Variants in WDSUB1 observed in about 807,000 individuals in gnomAD.
WDSUB1 encodes the protein WD repeat, SAM and U-box domain-containing protein 1.
A neutral mutation model predicts 53.9 loss-of-function variants in WDSUB1; 49 were observed. That is an observed-to-expected ratio of 0.91 (90% CI 0.72 to 1.15). The LOEUF is 1.15. WDSUB1 is among the 50% of genes most tolerant of loss of function. The pLI, the probability that WDSUB1 is intolerant of heterozygous loss-of-function variation, is 0.00. For missense variants in WDSUB1, 514 were observed against 562.0 expected (o/e 0.91, Z 0.86); for synonymous variants, 194 against 200.6 (o/e 0.97, Z 0.28).
At chr2:159,279,982 G>A (rs2061620243) in intron 2 of WDSUB1, 37 bp from the exon 3 acceptor site, 3 of 1,568,392 alleles carry the variant, frequency 1.9e-6, no homozygotes, top group South Asian at 2.3e-5. Flanking sequence ...TCATTTCAGA[G>A]TATCCTTTAC....
chr2:159,251,349 A>G (rs866633462), intron 9 of WDSUB1, among the ~76,000 whole-genome samples: 4 of 152,180 alleles, frequency 2.6e-5, no homozygotes, highest in Admixed American at 1.3e-4. Context: ...AATATTCTAC[A>G]TGTGTGCTAA....
In WDSUB1 at chr2:159,259,172, C is replaced by T. The variant is rs115549797; in HGVS notation, c.804+638G>A. ...CCAAGTAGCTGGGACTACAGGGACG[C>T]GCCACCACGGTCAGCTAAGTTTTTG... On this transcript the variant is annotated intron_variant, in intron 6 of 10. Transcript: ENST00000359774. Among the ~76,000 whole-genome samples the T allele has an allele frequency of 7.5e-3, 1,142 of 152,242 alleles. 11 individuals carry two copies. The highest frequency in any genetic ancestry group is 0.014 in the Middle Eastern group (4 of 294).
chr2:159,248,608 T>G, intron 9 of WDSUB1, 96 bp from the exon 10 acceptor site: 1 of 1,343,558 alleles, frequency 7.4e-7, no homozygotes, highest in Non-Finnish European at 9.7e-7. Flanking sequence ...AGTTTGTTGT[T>G]GGGGTTGATT....
intron 1 of WDSUB1, among the ~76,000 whole-genome samples, chr2:159,285,403 C>T (rs922575931): frequency 1.0e-4 from 12 of 119,642 alleles, no homozygotes; most frequent in Non-Finnish European, 1.8e-4. Flanking sequence ...TACGGAAACA[C>T]CTCTACCAAA....
At chr2:159,266,135 T>C (rs966469240) in intron 5 of WDSUB1, among the ~76,000 whole-genome samples, 1 of 152,230 alleles carries the variant, frequency 6.6e-6, no homozygotes, top group Admixed American at 6.5e-5. Context: ...TAGTGATAGA[T>C]GTAACCCATA....
intron 5 of WDSUB1, among the ~76,000 whole-genome samples, chr2:159,261,847 C>A (rs2061195205): frequency 1.8e-5 from 1 of 54,204 alleles, no homozygotes; most frequent in Non-Finnish European, 3.2e-5. Context: ...AACTGAAACT[C>A]ATATATATAT....
chr2:159,269,178 T>C (rs1457755793), intron 5 of WDSUB1, among the ~76,000 whole-genome samples: 1 of 148,588 alleles, frequency 6.7e-6, no homozygotes, highest in African/African-American at 2.5e-5. Flanking sequence ...TTTTTTTTTT[T>C]TTTTTTTTTT....
intron 8 of WDSUB1, among the ~76,000 whole-genome samples, chr2:159,257,276 A>T (rs780230131): frequency 1.3e-5 from 2 of 152,200 alleles, no homozygotes; most frequent in Non-Finnish European, 2.9e-5. Context: ...TGCTGGGATT[A>T]TAAGTGTGAG....
Position 159,248,382 on chromosome 2 carries a change from G to T in WDSUB1, c.1263C>A (p.Val421=). 2 of 1,611,728 alleles carry T rather than the reference G, an allele frequency of 1.2e-6. No homozygotes were observed. The highest frequency in any genetic ancestry group is 2.2e-5 in the South Asian group (2 of 90,714). Residue 421 remains valine (V), a synonymous_variant, in exon 10 of 11, where the codon GTC becomes GTA. Coordinates refer to ENST00000359774, the MANE Select transcript of WDSUB1 (RefSeq NM_001128212.3). The stretch of plus-strand genomic sequence containing the variant: ...TAGCATCACACATACCTGATGCGAT[G>T]ACCGGATCTTTCATAAGTTCTCTAG... The part of the protein sequence containing the change: ...PITRELMKDP[V]IASDGYSYEK...
chr2:159,279,803 G>A lies in WDSUB1; in HGVS notation c.541C>T (p.Leu181Phe). 1 of 1,609,236 alleles carries A rather than the reference G, an allele frequency of 6.2e-7. No homozygotes were observed. Among genetic ancestry groups the A allele is most frequent in the Non-Finnish European group, 8.5e-7 (1 of 1,176,880 alleles). Residue 181 changes from leucine (L) to phenylalanine (F), a missense_variant, in exon 3 of 11, where the codon CTT becomes TTT. Physicochemically the swap from Leu to Phe is conservative, Grantham distance 22. Coordinates refer to ENST00000359774, the MANE Select transcript of WDSUB1 (RefSeq NM_001128212.3). ...GAAAAATCGCAGCAGGTAATTCCAA[G>A]ATCATGTGCTTTTTCACTATGCAGA... is the stretch of plus-strand genomic sequence containing the variant. ...RCLHSEKAHD[L>F]GITCCDFSSQ...
At chr2:159,259,036 A>ACTTTTTTTTTTTTTTTTTTTT (rs1436442238) in intron 6 of WDSUB1, among the ~76,000 whole-genome samples, 1 of 150,612 alleles carries the variant, frequency 6.6e-6, no homozygotes, top group Non-Finnish European at 1.5e-5. Context: ...CAACTACTTT[A>ACTTTTTTTTTTTTTTTTTTTT]TTTTTGAGAC....
At chr2:159,252,760 G>C (rs796152366) in intron 9 of WDSUB1, among the ~76,000 whole-genome samples, 7 of 152,122 alleles carry the variant, frequency 4.6e-5, no homozygotes, top group African/African-American at 2.4e-5. Context: ...AGGATACTAA[G>C]ACAGGTGATG....
chr2:159,284,792 G>A (rs539615017), intron 1 of WDSUB1, among the ~76,000 whole-genome samples: 11 of 152,114 alleles, frequency 7.2e-5, no homozygotes, highest in Admixed American at 2.6e-4. Flanking sequence ...TATAATTCCC[G>A]CCTGCCCACT....
At chr2:159,245,567 C>G (rs570225201) in intron 10 of WDSUB1, among the ~76,000 whole-genome samples, 1 of 151,110 alleles carries the variant, frequency 6.6e-6, no homozygotes, top group African/African-American at 2.4e-5. Context: ...CTACAGTAAT[C>G]GAAGCACTGT....
At chr2:159,274,375 G>C (rs1483569023) in intron 4 of WDSUB1, among the ~76,000 whole-genome samples, 1 of 152,146 alleles carries the variant, frequency 6.6e-6, no homozygotes, top group East Asian at 1.9e-4. Flanking sequence ...CAAGACCTGA[G>C]AGAGGAGATG....
intron 10 of WDSUB1, among the ~76,000 whole-genome samples, chr2:159,245,951 G>C (rs561034540): frequency 1.3e-5 from 2 of 152,210 alleles, no homozygotes; most frequent in South Asian, 4.1e-4. Context: ...AAGACCAAGA[G>C]AAACTATGTG....
Position 159,282,955 on chromosome 2 carries a change from A to G in WDSUB1, c.115T>C (p.Leu39=). ...TGTGGCAGTTCAGTAAAGTCACGTA[A>G]CGAGTACAGGCGAATTGTTTTGTCC... ...SLDKTIRLYS[L]RDFTELPHSP... The change falls in exon 2 of 11, where the codon TTA becomes CTA. Residue 39 remains leucine (L), a synonymous_variant. Coordinates refer to ENST00000359774, the MANE Select transcript of WDSUB1 (RefSeq NM_001128212.3). 6.2e-7 allele frequency: 1 copy of G among 1,614,240 alleles called. No individual in the cohort carries two copies. Among genetic ancestry groups the G allele is most frequent in the East Asian group, 2.2e-5 (1 of 44,888 alleles).
intron 10 of WDSUB1, among the ~76,000 whole-genome samples, chr2:159,247,626 T>A (rs960588665): frequency 2.6e-5 from 4 of 151,830 alleles, no homozygotes; most frequent in Non-Finnish European, 4.4e-5. Context: ...AATTGACTAA[T>A]TCTGCTTTGC....
intron 9 of WDSUB1, among the ~76,000 whole-genome samples, chr2:159,250,068 GAC>G (rs1409719654): frequency 1.5e-5 from 2 of 132,790 alleles, no homozygotes; most frequent in African/African-American, 5.8e-5. Flanking sequence ...CAGCCTGGGC[GAC>G]ACAGTGAGAC....
Sources: gnomAD v4.1 joint callset for allele counts (sites outside exome capture counted in the v4.1 genomes callset) on GRCh38, gnomAD v4.1.1 for gene constraint, MANE v1.5 for transcripts, NCBI Gene and HGNC (gene_info 2026-07-23, HGNC 2026-07-21) for gene names.